The following ROBO2 variants were observed in gnomAD, a reference collection of about 807,000 sequenced individuals.
ROBO2 encodes roundabout homolog 2.
A neutral mutation model predicts 160.8 loss-of-function variants in ROBO2; 53 were observed. That is an observed-to-expected ratio of 0.33 (90% CI 0.26 to 0.41). The LOEUF (loss-of-function observed/expected upper bound fraction) is 0.41, where lower values mean the gene tolerates loss of function less well. Among genes scored for constraint, ROBO2 ranks in the 10% least tolerant of loss-of-function variants. ROBO2 has a pLI of 1.00. For synonymous variants in ROBO2, 664 were observed against 611.7 expected, an observed-to-expected ratio of 1.09 and a Z score of -1.26; for missense variants, 1,577 against 1,722.4, an observed-to-expected ratio of 0.92 and a Z score of 1.49.
At chr3:75,979,627 A>C (rs531202437) in intron 2 of ROBO2, among the ~76,000 whole-genome samples, 1 of 151,664 alleles carries the variant, frequency 6.6e-6, no homozygotes, top group African/African-American at 2.4e-5. Context: ...TGCCTTGTCT[A>C]CTGGGTGTCC....
intron 2 of ROBO2, among the ~76,000 whole-genome samples, chr3:76,464,157 T>C (rs2078243536): frequency 6.6e-6 from 1 of 152,162 alleles, no homozygotes; most frequent in African/African-American, 2.4e-5. Context: ...GTGATTGTCC[T>C]AAGTTGTAGT....
chr3:76,931,539 G>A (rs1245705412), intron 2 of ROBO2, among the ~76,000 whole-genome samples: 3 of 123,900 alleles, frequency 2.4e-5, no homozygotes, highest in Non-Finnish European at 5.3e-5. Context: ...ATGACTTTGT[G>A]TGCTTTATAA....
At chr3:76,611,347 A>AT (rs932040615) in intron 2 of ROBO2, among the ~76,000 whole-genome samples, 1 of 151,854 alleles carries the variant, frequency 6.6e-6, no homozygotes, top group African/African-American at 2.4e-5. Context: ...TAGGATTTGT[A>AT]TTTTTTTTCT....
intron 2 of ROBO2, among the ~76,000 whole-genome samples, chr3:76,322,203 T>A (rs905695355): frequency 4.3e-5 from 5 of 116,078 alleles, no homozygotes; most frequent in East Asian, 2.3e-4. Flanking sequence ...TATATATATA[T>A]AATATACACA....
chr3:77,217,856 GT>G (rs879910200), intron 2 of ROBO2, among the ~76,000 whole-genome samples: 8 of 152,280 alleles, frequency 5.3e-5, no homozygotes, highest in East Asian at 3.9e-4. Context: ...AGACTAAACT[GT>G]TATTTCATAA....
chr3:77,459,949 T>G (rs1360709952), intron 2 of ROBO2, among the ~76,000 whole-genome samples: 47 of 132,684 alleles, frequency 3.5e-4, no homozygotes, highest in Admixed American at 7.8e-4. Context: ...GTGGAGTGGG[T>G]GGGGGGGTCC....
At chr3:76,404,866 G>A (rs940174727) in intron 2 of ROBO2, among the ~76,000 whole-genome samples, 13 of 151,572 alleles carry the variant, frequency 8.6e-5, no homozygotes, top group South Asian at 2.1e-4. Flanking sequence ...TGAATATGGC[G>A]TATGTGAAAA....
chr3:76,396,366 A>T (rs2077447889), intron 2 of ROBO2, among the ~76,000 whole-genome samples: 1 of 152,156 alleles, frequency 6.6e-6, no homozygotes, highest in Non-Finnish European at 1.5e-5. Context: ...AGCCAATATC[A>T]TACTGAATGG....
intron 2 of ROBO2, among the ~76,000 whole-genome samples, chr3:76,152,117 C>A (rs1232759837): frequency 1.3e-5 from 2 of 152,136 alleles, no homozygotes; most frequent in Non-Finnish European, 2.9e-5. Context: ...AGGCCATGTG[C>A]GGTGTTTAGC....
chr3:76,958,765 G>A (rs2079454654), intron 2 of ROBO2, among the ~76,000 whole-genome samples: 1 of 151,546 alleles, frequency 6.6e-6, no homozygotes, highest in African/African-American at 2.4e-5. Flanking sequence ...TAAATATAAA[G>A]CCAATGCGAG....
intron 2 of ROBO2, among the ~76,000 whole-genome samples, chr3:76,086,399 G>A (rs1230465393): frequency 6.6e-6 from 1 of 152,088 alleles, no homozygotes; most frequent in African/African-American, 2.4e-5. Flanking sequence ...AGTTCAATAT[G>A]AGATTTGGGT....
intron 2 of ROBO2, among the ~76,000 whole-genome samples, chr3:76,918,963 G>C (rs1400833645): frequency 9.0e-6 from 1 of 110,840 alleles, no homozygotes; most frequent in Non-Finnish European, 1.8e-5. Flanking sequence ...CCACATGTAT[G>C]TCTTTTTTTT....
intron 2 of ROBO2, among the ~76,000 whole-genome samples, chr3:76,213,719 A>T (rs184426756): frequency 3.9e-5 from 6 of 152,296 alleles, no homozygotes; most frequent in Non-Finnish European, 7.4e-5. Flanking sequence ...AAGTCAAAAA[A>T]CTTTTAGACT....
chr3:76,197,322 G>T (rs1332247230), intron 2 of ROBO2, among the ~76,000 whole-genome samples: 1 of 147,530 alleles, frequency 6.8e-6, no homozygotes, highest in African/African-American at 2.6e-5. Context: ...AATCCACTGA[G>T]CTAATCAATC....
chr3:76,614,443 C>G (rs116213858), intron 2 of ROBO2, among the ~76,000 whole-genome samples: 49 of 152,206 alleles, frequency 3.2e-4, no homozygotes, highest in African/African-American at 1.2e-3. Flanking sequence ...TTAACATTTA[C>G]TCATACCAGC....
chr3:76,434,121 C>T, intron 2 of ROBO2: 1 of 1,245,216 alleles, frequency 8.0e-7, no homozygotes, highest in South Asian at 1.2e-5. Context: ...GGAGACAGCT[C>T]CATATGTGCA....
chr3:76,827,700 C>G (rs951921923), intron 2 of ROBO2, among the ~76,000 whole-genome samples: 1 of 151,996 alleles, frequency 6.6e-6, no homozygotes, highest in Non-Finnish European at 1.5e-5. Context: ...AGTGTACAAC[C>G]TCCTCCAAAT....
At chr3:76,876,057 C>T (rs1379155846) in intron 2 of ROBO2, among the ~76,000 whole-genome samples, 1 of 151,964 alleles carries the variant, frequency 6.6e-6, no homozygotes, top group Non-Finnish European at 1.5e-5. Context: ...TCTGCACAGT[C>T]CCTTTGTCAT....
intron 5 of ROBO2, among the ~76,000 whole-genome samples, chr3:77,517,489 T>C (rs1449581352): frequency 6.6e-6 from 1 of 151,542 alleles, no homozygotes; most frequent in Non-Finnish European, 1.5e-5. Context: ...TGAGAAGCCA[T>C]TGGATAGTTT....
Sources: gnomAD v4.1 joint callset for allele counts (sites outside exome capture counted in the v4.1 genomes callset) on GRCh38, gnomAD v4.1.1 for gene constraint, MANE v1.5 for transcripts, NCBI Gene and HGNC (gene_info 2026-07-23, HGNC 2026-07-21) for gene names.